Variants in USP21 observed in about 807,000 individuals in gnomAD.
USP21 encodes ubiquitin specific peptidase 21.
USP21 carries 37 observed loss-of-function variants against 70.8 expected under a neutral mutation model. The observed-to-expected ratio is 0.52, with a 90% CI of 0.40 to 0.69. The LOEUF (loss-of-function observed/expected upper bound fraction) is 0.69. Among genes scored for constraint, USP21 ranks in the 30% least tolerant of loss-of-function variants. USP21 has a pLI of 0.00. For synonymous variants in USP21, 263 were observed against 283.1 expected (o/e 0.93, Z 0.71); for missense variants, 584 against 740.8 (o/e 0.79, Z 2.46).
At position 161,163,083 on chromosome 1, in the gene USP21, C is replaced by T. The variant is rs751256888; in HGVS notation, c.1049+9C>T. 6.9e-6 allele frequency: 11 copies of T among 1,586,240 alleles called. No individual in the cohort carries two copies. The highest frequency in any genetic ancestry group is 7.7e-6 in the Non-Finnish European group (9 of 1,167,512). On this transcript the variant is annotated intron_variant, in intron 7 of 13. Coordinates refer to ENST00000368002, the MANE Select transcript of USP21 (RefSeq NM_001014443.3). Reference sequence around the variant, plus strand: ...GAAGAACCTGAGTTAAGGTAAGGGTCGTTCCCTCTACCTCCTTTCCCCGTA... The same window carrying T: ...GAAGAACCTGAGTTAAGGTAAGGGTTGTTCCCTCTACCTCCTTTCCCCGTA...
Position 161,160,016 on chromosome 1 carries a change from G to T in USP21, c.-163+338G>T, listed in dbSNP as rs1307934855. Among the ~76,000 whole-genome samples the T allele has an allele frequency of 4.6e-5, 7 of 152,224 alleles. No individual in the cohort carries two copies. The East Asian group carries it at 5.8e-4, about 13-fold the overall frequency. On this transcript the variant is annotated intron_variant, in intron 1 of 13. Coordinates refer to ENST00000368002, the MANE Select transcript of USP21 (RefSeq NM_001014443.3). ...ACACCATGTCGGAGGTCGGAGGTGGGGGAGGGAATGGATCGTAAGTCACCC... is the reference window on the plus strand; with the variant it reads ...ACACCATGTCGGAGGTCGGAGGTGGTGGAGGGAATGGATCGTAAGTCACCC...
chr1:161,161,206 G>T lies in USP21; in HGVS notation c.566G>T (p.Arg189Leu). 1 of 1,610,218 alleles carries T rather than the reference G, an allele frequency of 6.2e-7. No homozygotes were observed. Among genetic ancestry groups the T allele is most frequent in the Non-Finnish European group, 8.5e-7 (1 of 1,177,830 alleles). The change falls in exon 3 of 14, where the codon CGG (arginine) becomes CTG (leucine). Residue 189 changes from arginine to leucine, a missense_variant. Coordinates refer to ENST00000368002, the MANE Select transcript of USP21 (RefSeq NM_001014443.3). The surrounding 1 kb of genome is among the most constrained non-coding windows in gnomAD (Gnocchi z 4.2). ...GGCTCCTTCCACATGATATCCGCCC[G>T]GTCCTCTGAGCCTTTCTACTCTGAT... ...SHGSFHMISA[R>L]SSEPFYSDDK... is the part of the protein sequence containing the mutation.
At chr1:161,163,463 T>A in intron 7 of USP21, 92 bp from the exon 8 acceptor site, 1 of 1,146,104 alleles carries the variant, frequency 8.7e-7, no homozygotes. Context: ...GGATGGGGAG[T>A]AGGGCTCTGT....
rs114213404 is a variant in USP21, at chr1:161,162,992, C to A, written c.967C>A (p.Arg323=). ...CCTTGAAATCAACCGCCGAGGCCGC[C>A]GGGCTCCACCGATACTTGCCAATGG... is the stretch of plus-strand genomic sequence containing the variant. The part of the protein sequence containing the change: ...LHLEINRRGR[R]APPILANGPV... Residue 323 remains arginine (R), a synonymous_variant, in exon 7 of 14, where the codon CGG becomes AGG. Transcript: ENST00000368002. This position sits in a 1 kb window ranked among gnomAD's most constrained non-coding sequence, Gnocchi z 4.1. The A allele has an allele frequency of 2.4e-4, 381 of 1,613,984 alleles. 1 individual carries two copies. In the East Asian group the frequency reaches 7.3e-3, roughly 31 times the overall value.
In USP21 at chr1:161,164,766, G is replaced by A; in HGVS notation, c.1385-69G>A. On this transcript the variant is annotated intron_variant, in intron 11 of 13. Coordinates refer to ENST00000368002, the MANE Select transcript of USP21 (RefSeq NM_001014443.3). This position sits in a 1 kb window ranked among gnomAD's most constrained non-coding sequence, Gnocchi z 4.2. ...GTGTGTCGGGAGTGGGGAGAGGACA[G>A]CTTTCAGGATAGAAGAAGTTCCCCT... The A allele has an allele frequency of 6.3e-7, 1 of 1,596,544 alleles. No homozygotes were observed. The highest frequency in any genetic ancestry group is 8.5e-7 in the Non-Finnish European group (1 of 1,169,616).
At chr1:161,163,358 C>T (rs1473278578) in intron 7 of USP21, among the ~76,000 whole-genome samples, 197 bp from the exon 8 acceptor site, 1 of 152,050 alleles carries the variant, frequency 6.6e-6, no homozygotes, top group Non-Finnish European at 1.5e-5. Context: ...ATGTACATTC[C>T]TTTCTTTTCC....
rs769200434 is a variant in USP21, at chr1:161,162,094, C to CA, written c.658dup (p.Thr220AsnfsTer41). ...ATGTTGGCCTTCGAAACCTGGGAAACACGGTGAGAGCTATTCTCCTATCTT... is the reference window on the plus strand; with the variant it reads ...ATGTTGGCCTTCGAAACCTGGGAAACAACGGTGAGAGCTATTCTCCTATCTT... On this transcript the variant is annotated frameshift_variant, in exon 4 of 14. Transcript: ENST00000368002. LOFTEE classifies it high-confidence loss of function. This position sits in a 1 kb window ranked among gnomAD's most constrained non-coding sequence, Gnocchi z 4.1. 1 of 1,614,142 alleles carries CA rather than the reference C, an allele frequency of 6.2e-7. No homozygotes were observed.
rs1314015452 is a variant in USP21 at position 161,165,125 on chromosome 1, A to G, written c.1589A>G (p.His530Arg). Residue 530 changes from histidine to arginine, a missense_variant, in exon 13 of 14, where the codon CAT becomes CGT. Physicochemically the swap from His to Arg is conservative, Grantham distance 29. This residue lies in a region of USP21 where 173 missense variants were observed against 268.2 expected (regional missense o/e 0.65). Coordinates refer to ENST00000368002, the MANE Select transcript of USP21 (RefSeq NM_001014443.3). ...CTGTGCCGGTGCCAGACTGGTTGGC[A>G]TGTCTACAATGACTCTCGGTGAGAA... ...TALCRCQTGW[H>R]VYNDSRVSPV... The G allele has an allele frequency of 6.2e-7, 1 of 1,613,808 alleles. No individual in the cohort carries two copies. The highest frequency in any genetic ancestry group is 1.1e-5 in the South Asian group (1 of 91,056).
chr1:161,162,257 T>C lies in USP21; in HGVS notation c.661-13T>C. 1 of 1,607,032 alleles carries C rather than the reference T, an allele frequency of 6.2e-7. No homozygotes were observed. The highest frequency in any genetic ancestry group is 8.5e-7 in the Non-Finnish European group (1 of 1,175,126). ...TCTGGAGAGATAACAGCAGTGTCCC[T>C]ACTGCTCCCCAGTGCTTCCTGAATG... is the stretch of plus-strand genomic sequence containing the variant. On this transcript the variant is annotated splice_polypyrimidine_tract_variant and intron_variant, in intron 4 of 13. Coordinates refer to ENST00000368002, the MANE Select transcript of USP21 (RefSeq NM_001014443.3). The surrounding 1 kb of genome is among the most constrained non-coding windows in gnomAD (Gnocchi z 4.1).
In USP21 at chr1:161,163,077, A is replaced by G. The variant is rs779612426; in HGVS notation, c.1049+3A>G. On this transcript the variant is annotated splice_donor_region_variant and intron_variant, in intron 7 of 13. Coordinates refer to ENST00000368002, the MANE Select transcript of USP21 (RefSeq NM_001014443.3). Reference sequence around the variant, plus strand: ...CTGCTAGAAGAACCTGAGTTAAGGTAAGGGTCGTTCCCTCTACCTCCTTTC... The same window carrying G: ...CTGCTAGAAGAACCTGAGTTAAGGTGAGGGTCGTTCCCTCTACCTCCTTTC... 3 of 1,594,562 alleles carry G rather than the reference A, an allele frequency of 1.9e-6. No individual in the cohort carries two copies. In the South Asian group the frequency reaches 3.4e-5, roughly 18 times the overall value.
Position 161,161,146 on chromosome 1 carries a change from T to G in USP21, c.506T>G (p.Leu169Arg). 1 of 1,614,082 alleles carries G rather than the reference T, an allele frequency of 6.2e-7. No individual in the cohort carries two copies. The highest frequency in any genetic ancestry group is 8.5e-7 in the Non-Finnish European group (1 of 1,179,946). ...GGGGGCTTTCCTGGACCCCCTACCC[T>G]GTTCAGCATACGGACAGAGCCCCCT... is the stretch of plus-strand genomic sequence containing the variant. ...RLGGFPGPPT[L>R]FSIRTEPPAS... Residue 169 changes from leucine (L) to arginine (R), a missense_variant, in exon 3 of 14, where the codon CTG (leucine) becomes CGG (arginine). This residue lies in a region of USP21 where 284 missense variants were observed against 281.0 expected (regional missense o/e 1.01). Transcript: ENST00000368002. This position sits in a 1 kb window ranked among gnomAD's most constrained non-coding sequence, Gnocchi z 4.2.
In USP21 at chr1:161,161,520, G is replaced by C; in HGVS notation, c.600+280G>C. On this transcript the variant is annotated intron_variant, in intron 3 of 13. Coordinates refer to ENST00000368002, the MANE Select transcript of USP21 (RefSeq NM_001014443.3). This position sits in a 1 kb window ranked among gnomAD's most constrained non-coding sequence, Gnocchi z 4.2. Reference sequence around the variant, plus strand: ...GGTCCCCAGGCCCTTCCTTTCCCTTGCTTGCACCTTCTCTACTGGGACTCT... The same window carrying C: ...GGTCCCCAGGCCCTTCCTTTCCCTTCCTTGCACCTTCTCTACTGGGACTCT... 2 of 454,216 alleles carry C rather than the reference G, an allele frequency of 4.4e-6. No homozygotes were observed. Among genetic ancestry groups the C allele is most frequent in the South Asian group, 6.5e-5 (2 of 30,910 alleles). 28.1% of individuals were successfully genotyped at this position (454,216 alleles called of 1,614,324 possible).
chr1:161,164,237 C>G lies in USP21; in HGVS notation c.1292C>G (p.Ser431Trp). The change falls in exon 10 of 14, where the codon TCG becomes TGG. Residue 431 changes from serine to tryptophan, a missense_variant. Ser to Trp is a radical substitution (Grantham distance 177). Transcript: ENST00000368002. The surrounding 1 kb of genome is among the most constrained non-coding windows in gnomAD (Gnocchi z 4.2). ...NLFTKEEELE[S>W]ENAPVCDRCR... ...TTCACTAAGGAAGAAGAGCTAGAGTCGGAGAATGCCCCAGTATGTGGAGGT... is the reference window on the plus strand; with the variant it reads ...TTCACTAAGGAAGAAGAGCTAGAGTGGGAGAATGCCCCAGTATGTGGAGGT... 6.2e-7 allele frequency: 1 copy of G among 1,614,056 alleles called. No homozygotes were observed. Among genetic ancestry groups the G allele is most frequent in the African/African-American group, 1.3e-5 (1 of 74,994 alleles).
rs779279700 is a variant in USP21, at chr1:161,164,953, TGG to T, written c.1492+14_1492+15del. 2.5e-6 allele frequency: 4 copies of T among 1,613,690 alleles called. No individual in the cohort carries two copies. The highest frequency in any genetic ancestry group is 3.4e-6 in the Non-Finnish European group (4 of 1,179,794). ...CCAGTGACAAAGCCGGTGAGTCTGGTGGGGAAAGTCCTAAGGAGCCAAAGGAG... is the reference window on the plus strand; with the variant it reads ...CCAGTGACAAAGCCGGTGAGTCTGGTGGAAAGTCCTAAGGAGCCAAAGGAG... On this transcript the variant is annotated intron_variant, in intron 12 of 13. Transcript: ENST00000368002. The surrounding 1 kb of genome is among the most constrained non-coding windows in gnomAD (Gnocchi z 4.2).
At position 161,162,771 on chromosome 1, in the gene USP21, G is replaced by A. The variant is rs755126433; in HGVS notation, c.893+45G>A. On this transcript the variant is annotated intron_variant, in intron 6 of 13. Coordinates refer to ENST00000368002, the MANE Select transcript of USP21 (RefSeq NM_001014443.3). This position sits in a 1 kb window ranked among gnomAD's most constrained non-coding sequence, Gnocchi z 4.1. Reference sequence around the variant, plus strand: ...TGGGATTTCTCTCTGGCCATGTCTGGGGGTAGGGCCAAGCAAGGGCCCTGG... The same window carrying A: ...TGGGATTTCTCTCTGGCCATGTCTGAGGGTAGGGCCAAGCAAGGGCCCTGG... The A allele has an allele frequency of 3.2e-6, 5 of 1,581,478 alleles. No individual in the cohort carries two copies. In the East Asian group the frequency reaches 6.7e-5, roughly 21 times the overall value.
At position 161,160,652 on chromosome 1, in the gene USP21, C is replaced by T. The variant is rs1657831789; in HGVS notation, c.12C>T (p.Ala4=). ...CTGTGGTGTCCACAATGCCCCAGGC[C>T]TCTGAGCACCGCCTGGGCCGTACCC... MPQ[A]SEHRLGRTRE... is the part of the protein sequence containing the mutation. Residue 4 remains alanine (A), a synonymous_variant, in exon 3 of 14, where the codon GCC becomes GCT. Coordinates refer to ENST00000368002, the MANE Select transcript of USP21 (RefSeq NM_001014443.3). 3.7e-6 allele frequency: 6 copies of T among 1,612,932 alleles called. No homozygotes were observed. The highest frequency in any genetic ancestry group is 2.7e-5 in the African/African-American group (2 of 74,880).
rs1349120606 is a variant in USP21 at position 161,161,408 on chromosome 1, C to G, written c.600+168C>G. On this transcript the variant is annotated intron_variant, in intron 3 of 13. Coordinates refer to ENST00000368002, the MANE Select transcript of USP21 (RefSeq NM_001014443.3). The surrounding 1 kb of genome is among the most constrained non-coding windows in gnomAD (Gnocchi z 4.2). The stretch of plus-strand genomic sequence containing the variant: ...TTAAATACCCTTGAGCCTCCTAGAC[C>G]CTTTTTTGGGTTGTTGGTGACTCTT... The G allele has an allele frequency of 4.7e-6, 4 of 857,634 alleles. No individual in the cohort carries two copies. The highest frequency in any genetic ancestry group is 6.9e-6 in the Non-Finnish European group (4 of 576,986). The allele number at this position is 857,634 out of a possible 1,614,324, so 53.1% of individuals were successfully genotyped here. A position where few individuals can be genotyped will look rare whatever the true frequency, so the allele number is the denominator to read the frequency against.
chr1:161,161,540 G>T lies in USP21; in HGVS notation c.600+300G>T. 2.3e-6 allele frequency: 1 copy of T among 433,150 alleles called. No individual in the cohort carries two copies. Among genetic ancestry groups the T allele is most frequent in the Admixed American group, 4.0e-5 (1 of 24,818 alleles). The allele number at this position is 433,150 out of a possible 1,614,324, so 26.8% of individuals were successfully genotyped here. ...CCCTTGCTTGCACCTTCTCTACTGG[G>T]ACTCTGCCTAGGCCTAATTAATCTC... On this transcript the variant is annotated intron_variant, in intron 3 of 13. Coordinates refer to ENST00000368002, the MANE Select transcript of USP21 (RefSeq NM_001014443.3). This position sits in a 1 kb window ranked among gnomAD's most constrained non-coding sequence, Gnocchi z 4.2.
rs548162574 is a variant in USP21 at position 161,162,154 on chromosome 1, G to T, written c.660+57G>T. 125 of 1,613,164 alleles carry T rather than the reference G, an allele frequency of 7.7e-5. No homozygotes were observed. The East Asian group carries it at 2.6e-3, about 33-fold the overall frequency. ...AAAGGAATGTGAAATGGTGCTGGGG[G>T]TGGGGAAAACCCACGAGCTTGGGGA... On this transcript the variant is annotated intron_variant, in intron 4 of 13. Transcript: ENST00000368002. This position sits in a 1 kb window ranked among gnomAD's most constrained non-coding sequence, Gnocchi z 4.1.
Sources: allele counts gnomAD v4.1 joint callset (sites outside exome capture counted in the v4.1 genomes callset), GRCh38; gene constraint gnomAD v4.1.1; regional missense constraint gnomAD v4.1.1; non-coding constraint Gnocchi (gnomAD v3.1); transcripts MANE v1.5; gene names NCBI Gene and HGNC (gene_info 2026-07-23, HGNC 2026-07-21).